PDE8B: variants seen among roughly 807,000 people sequenced by gnomAD.
The protein encoded by PDE8B is high affinity cAMP-specific and IBMX-insensitive 3',5'-cyclic phosphodiesterase 8B.
In PDE8B, 26 loss-of-function variants were observed where a neutral mutation model predicts 101.3. The ratio of observed to expected loss-of-function variants is 0.26; its 90% CI spans 0.19 to 0.36. The LOEUF (loss-of-function observed/expected upper bound fraction) is 0.36. Among genes scored for constraint, PDE8B ranks in the 10% least tolerant of loss-of-function variants. PDE8B has a pLI of 1.00. For synonymous variants in PDE8B, 424 were observed against 429.3 expected (o/e 0.99, Z 0.15); for missense variants, 810 against 1,163.1 (o/e 0.70, Z 4.42).
intron 10 of PDE8B, among the ~76,000 whole-genome samples, chr5:77,372,383 T>C (rs1286358288): frequency 6.6e-6 from 1 of 152,208 alleles, no homozygotes; most frequent in African/African-American, 2.4e-5. Context: ...AGTTATCTGT[T>C]TTTTGGATAA....
chr5:77,422,139 G>A, intron 20 of PDE8B, 151 bp downstream of exon 20: 5 of 828,560 alleles, frequency 6.0e-6, no homozygotes, highest in Non-Finnish European at 1.0e-5. Context: ...ACCTGGGGTA[G>A]GCTTCTGGTT....
At chr5:77,365,038 G>A (rs1581257317) in intron 10 of PDE8B, among the ~76,000 whole-genome samples, 1 of 152,296 alleles carries the variant, frequency 6.6e-6, no homozygotes, top group East Asian at 1.9e-4. Flanking sequence ...GGACCTGTCT[G>A]ATGGCGGAAA....
chr5:77,337,778 A>T (rs1778464867), intron 6 of PDE8B, among the ~76,000 whole-genome samples: 1 of 152,242 alleles, frequency 6.6e-6, no homozygotes, highest in African/African-American at 2.4e-5. Context: ...AATATGCATG[A>T]AGTAGCTTTA....
chr5:77,293,807 A>G (rs984536954), intron 1 of PDE8B, among the ~76,000 whole-genome samples: 1 of 152,152 alleles, frequency 6.6e-6, no homozygotes, highest in Non-Finnish European at 1.5e-5. Flanking sequence ...GTGTGTTTTA[A>G]TTAGTAATTC....
intron 1 of PDE8B, among the ~76,000 whole-genome samples, chr5:77,292,570 T>C (rs1171651821): frequency 6.6e-6 from 1 of 152,200 alleles, no homozygotes; most frequent in African/African-American, 2.4e-5. Context: ...GGAATTTTGA[T>C]GAGTCAAAAG....
intron 1 of PDE8B, among the ~76,000 whole-genome samples, chr5:77,300,195 C>T (rs1406993696): frequency 6.6e-6 from 1 of 152,158 alleles, no homozygotes. Context: ...TACAAGGGAG[C>T]CCCTTGTTCT....
intron 20 of PDE8B, 90 bp from the exon 21 acceptor site, chr5:77,425,677 C>T: frequency 1.5e-6 from 2 of 1,325,766 alleles, no homozygotes; most frequent in Non-Finnish European, 1.1e-6. Flanking sequence ...GATAATGACC[C>T]ATTTTCACAG....
At chr5:77,117,480 C>CT in the PDE8B span, among the ~76,000 whole-genome samples, 1 of 152,286 alleles carries the variant, frequency 6.6e-6, no homozygotes, top group African/African-American at 2.4e-5. Flanking sequence ...CAGGGTCTCA[C>CT]TGTCACCCCA....
intron 10 of PDE8B, among the ~76,000 whole-genome samples, chr5:77,354,236 C>T (rs1001785113): frequency 6.6e-6 from 1 of 152,114 alleles, no homozygotes; most frequent in South Asian, 2.1e-4. Flanking sequence ...ACCAGCAGGA[C>T]GTGAGTAGAC....
At chr5:77,358,476 G>A (rs1782512961) in intron 10 of PDE8B, 1 of 981,782 alleles carries the variant, frequency 1.0e-6, no homozygotes, top group Admixed American at 6.2e-5. Context: ...CCTTAGGGCG[G>A]GGACTGTGGG....
chr5:77,333,042 A>G (rs1428814045), intron 5 of PDE8B, among the ~76,000 whole-genome samples: 1 of 151,770 alleles, frequency 6.6e-6, no homozygotes, highest in East Asian at 1.9e-4. Context: ...TACCTTTGTG[A>G]TGCAGTTGTT....
intron 10 of PDE8B, among the ~76,000 whole-genome samples, chr5:77,379,249 ATATATC>A (rs1786980332): frequency 6.6e-6 from 1 of 152,340 alleles, no homozygotes; most frequent in African/African-American, 2.4e-5. Flanking sequence ...TTCAAAGAAA[ATATATC>A]TAACAGCAGA....
chr5:77,110,964 A>G, the PDE8B span, among the ~76,000 whole-genome samples: 1 of 152,250 alleles, frequency 6.6e-6, no homozygotes, highest in Non-Finnish European at 1.5e-5. Context: ...CCCCTTCATG[A>G]TAAAATGTTA....
At chr5:77,099,429 G>C in the PDE8B span, among the ~76,000 whole-genome samples, 1 of 152,174 alleles carries the variant, frequency 6.6e-6, no homozygotes, top group African/African-American at 2.4e-5. Flanking sequence ...ATAAACAAGA[G>C]AATAGATGGG....
At chr5:77,423,590 T>A (rs1401451700) in intron 20 of PDE8B, among the ~76,000 whole-genome samples, 1 of 151,770 alleles carries the variant, frequency 6.6e-6, no homozygotes, top group Admixed American at 6.6e-5. Flanking sequence ...GTGGTTTTGA[T>A]TTGCATGTCT....
intron 1 of PDE8B, among the ~76,000 whole-genome samples, chr5:77,235,999 G>A (rs1324176480): frequency 2.0e-5 from 3 of 152,162 alleles, no homozygotes; most frequent in African/African-American, 7.2e-5. Context: ...CCAGGAAGTG[G>A]CAAAGTCACG....
At chr5:77,154,176 T>C in the PDE8B span, among the ~76,000 whole-genome samples, 1 of 152,240 alleles carries the variant, frequency 6.6e-6, no homozygotes, top group Admixed American at 6.5e-5. Context: ...CTGGTACTTC[T>C]TGCCTCTCAC....
chr5:77,241,300 A>T (rs1319256659), intron 1 of PDE8B, among the ~76,000 whole-genome samples: 1 of 152,230 alleles, frequency 6.6e-6, no homozygotes, highest in Admixed American at 6.5e-5. Context: ...TTCAAAGTGT[A>T]TTGCTCTTGA....
rs77027663 is a variant in PDE8B, at chr5:77,255,534, G to A, written c.339+44270G>A. Among the ~76,000 whole-genome samples, 1,312 of 152,306 alleles carry A rather than the reference G, an allele frequency of 8.6e-3. 9 individuals carry two copies. The highest frequency in any genetic ancestry group is 0.015 in the Admixed American group (225 of 15,308). ...GACCTTGAAGCCTTGGCTCACACATGAGCCTGCCTCCCCTTCCCCAGCAAC... is the reference window on the plus strand; with the variant it reads ...GACCTTGAAGCCTTGGCTCACACATAAGCCTGCCTCCCCTTCCCCAGCAAC... On this transcript the variant is annotated intron_variant, in intron 1 of 21. Transcript: ENST00000264917.
Sources: gnomAD v4.1 joint callset for allele counts (sites outside exome capture counted in the v4.1 genomes callset) on GRCh38, gnomAD v4.1.1 for gene constraint, MANE v1.5 for transcripts, NCBI Gene and HGNC (gene_info 2026-07-23, HGNC 2026-07-21) for gene names.